The following SYN3 variants were observed in gnomAD, a reference collection of about 807,000 sequenced individuals.
The protein encoded by SYN3 is synapsin-3.
Under a neutral mutation model 65.8 loss-of-function variants are expected in SYN3, and 35 were observed. That is an observed-to-expected ratio of 0.53 (90% CI 0.41 to 0.70). SYN3 has a LOEUF of 0.70. Among genes scored for constraint, SYN3 ranks in the 30% least tolerant of loss-of-function variants. The pLI is 0.00. For synonymous variants in SYN3, 270 were observed against 292.9 expected (o/e 0.92, Z 0.80); for missense variants, 680 against 749.0 (o/e 0.91, Z 1.08).
At chr22:32,970,971 C>T (rs1316014181) in intron 3 of SYN3, among the ~76,000 whole-genome samples, 1 of 152,258 alleles carries the variant, frequency 6.6e-6, no homozygotes, top group African/African-American at 2.4e-5. Context: ...TTCTTACTAG[C>T]TGTGTCACAT....
chr22:32,554,757 C>T (rs945270691), intron 7 of SYN3, among the ~76,000 whole-genome samples: 8 of 152,212 alleles, frequency 5.3e-5, no homozygotes, highest in Non-Finnish European at 1.0e-4. Context: ...TGTGCTCTCG[C>T]CATTGCTCCA....
chr22:32,858,179 A>T, intron 6 of SYN3: 2 of 1,609,482 alleles, frequency 1.2e-6, no homozygotes, highest in Non-Finnish European at 1.7e-6. Flanking sequence ...GGAGGTGCTG[A>T]CTTGCAGCCC....
intron 9 of SYN3, among the ~76,000 whole-genome samples, chr22:32,535,122 C>A (rs575055097): frequency 1.1e-4 from 17 of 152,248 alleles, no homozygotes; most frequent in African/African-American, 3.6e-4. Context: ...AGGCTCAGAG[C>A]GATGATTAAG....
At chr22:32,869,993 G>A (rs2048807189) in intron 4 of SYN3, among the ~76,000 whole-genome samples, 1 of 152,028 alleles carries the variant, frequency 6.6e-6, no homozygotes, top group South Asian at 2.1e-4. Flanking sequence ...CAGGGCCCCA[G>A]GAGGATTCAC....
intron 1 of SYN3, among the ~76,000 whole-genome samples, chr22:33,039,344 C>A (rs1386648757): frequency 6.7e-6 from 1 of 150,334 alleles, no homozygotes; most frequent in African/African-American, 2.4e-5. Context: ...ATAACATTCT[C>A]TTACTTCCTT....
At chr22:32,873,075 C>G (rs1285129529) in intron 4 of SYN3, among the ~76,000 whole-genome samples, 5 of 151,850 alleles carry the variant, frequency 3.3e-5, no homozygotes, top group Admixed American at 3.3e-4. Flanking sequence ...CTCAGCCTCC[C>G]AAGTAGCTGG....
chr22:32,854,718 C>T (rs1284294537), intron 6 of SYN3, among the ~76,000 whole-genome samples: 5 of 152,170 alleles, frequency 3.3e-5, no homozygotes, highest in Admixed American at 6.5e-5. Flanking sequence ...GCGCCCCCAC[C>T]GCGTAATTGA....
intron 6 of SYN3, among the ~76,000 whole-genome samples, chr22:32,728,067 T>A (rs1316195308): frequency 6.6e-6 from 1 of 152,172 alleles, no homozygotes; most frequent in African/African-American, 2.4e-5. Context: ...ACCCCTTCCT[T>A]ACACCATACA....
chr22:32,540,803 C>G (rs190357288), intron 8 of SYN3, among the ~76,000 whole-genome samples: 10 of 152,316 alleles, frequency 6.6e-5, no homozygotes, highest in African/African-American at 2.2e-4. Context: ...CAATAAAATG[C>G]GATCAAAGTT....
intron 1 of SYN3, among the ~76,000 whole-genome samples, chr22:33,038,704 G>A (rs924449847): frequency 2.0e-5 from 3 of 152,094 alleles, no homozygotes; most frequent in African/African-American, 4.8e-5. Flanking sequence ...GAAATCCAAC[G>A]TTCCTGGAGC....
At chr22:32,974,644 T>C (rs761805551) in intron 3 of SYN3, among the ~76,000 whole-genome samples, 4 of 150,498 alleles carry the variant, frequency 2.7e-5, no homozygotes, top group Admixed American at 1.3e-4. Flanking sequence ...CTCACTAGCA[T>C]TGTGTGTGTG....
chr22:32,909,434 G>C (rs184685185), intron 4 of SYN3, among the ~76,000 whole-genome samples: 268 of 152,260 alleles, frequency 1.8e-3, no homozygotes, highest in Non-Finnish European at 2.8e-3. Context: ...CACACCGTAG[G>C]CCTCAGTGGA....
chr22:32,955,494 G>A (rs1045480094), intron 3 of SYN3, among the ~76,000 whole-genome samples: 6 of 152,116 alleles, frequency 3.9e-5, no homozygotes, highest in African/African-American at 9.7e-5. Context: ...GCACTTGCTT[G>A]ATATTTTAAA....
At chr22:33,049,022 A>G (rs1465476577) in intron 1 of SYN3, among the ~76,000 whole-genome samples, 1 of 152,178 alleles carries the variant, frequency 6.6e-6, no homozygotes, top group African/African-American at 2.4e-5. Flanking sequence ...ACTGGATAGC[A>G]CAGGGAATTA....
chr22:32,750,009 G>A lies in SYN3; in HGVS notation c.711+114906C>T, dbSNP rs144210916. The stretch of plus-strand genomic sequence containing the variant: ...CCAGGATTGAAGGAGGGTAGACGTA[G>A]GGTCAATATCAAGAGTGGTATCTTT... On this transcript the variant is annotated intron_variant, in intron 6 of 13. Transcript: ENST00000358763. Among the ~76,000 whole-genome samples the A allele has an allele frequency of 1.3e-3, 205 of 152,302 alleles. 1 individual carries two copies. The highest frequency in any genetic ancestry group is 4.6e-3 in the African/African-American group (193 of 41,564).
At chr22:32,912,649 A>G (rs1329624075) in intron 4 of SYN3, among the ~76,000 whole-genome samples, 1 of 152,026 alleles carries the variant, frequency 6.6e-6, no homozygotes, top group African/African-American at 2.4e-5. Context: ...TTAGCTCAGG[A>G]GATTGAGGCT....
chr22:32,841,228 C>G (rs1054619463), intron 6 of SYN3, among the ~76,000 whole-genome samples: 6 of 152,212 alleles, frequency 3.9e-5, no homozygotes, highest in African/African-American at 1.4e-4. Flanking sequence ...GAACCTGCTG[C>G]CCGGGGAGGC....
intron 6 of SYN3, among the ~76,000 whole-genome samples, chr22:32,619,649 T>A (rs576588540): frequency 2.6e-5 from 4 of 152,356 alleles, no homozygotes; most frequent in Admixed American, 6.5e-5. Flanking sequence ...AATTACTGAC[T>A]TTCCTGTGTC....
At chr22:32,858,255 G>A (rs548659643) in intron 6 of SYN3, 2 of 1,458,328 alleles carry the variant, frequency 1.4e-6, no homozygotes, top group East Asian at 2.3e-5. Flanking sequence ...GCATGTGTTA[G>A]GCCAGGGCAG....
Sources: allele counts gnomAD v4.1 joint callset (sites outside exome capture counted in the v4.1 genomes callset), GRCh38; gene constraint gnomAD v4.1.1; transcripts MANE v1.5; gene names NCBI Gene and HGNC (gene_info 2026-07-23, HGNC 2026-07-21).